PCDHA13: variants seen among roughly 807,000 people sequenced by gnomAD.
The protein encoded by PCDHA13 is protocadherin alpha-13.
PCDHA13 carries 54 observed loss-of-function variants against 64.8 expected under a neutral mutation model. The ratio of observed to expected loss-of-function variants is 0.83; its 90% CI spans 0.67 to 1.04. The LOEUF (loss-of-function observed/expected upper bound fraction) is 1.04, where lower values mean the gene tolerates loss of function less well. PCDHA13 is among the 50% of genes least tolerant of loss of function. PCDHA13 has a pLI of 0.00. For synonymous variants in PCDHA13, 587 were observed against 564.4 expected, an observed-to-expected ratio of 1.04 and a Z score of -0.57; for missense variants, 1,248 against 1,254.3, an observed-to-expected ratio of 0.99 and a Z score of 0.08.
intron 1 of PCDHA13, among the ~76,000 whole-genome samples, chr5:140,962,537 A>G (rs1554226101): frequency 6.6e-6 from 1 of 152,208 alleles, no homozygotes; most frequent in Non-Finnish European, 1.5e-5. Context: ...TTTTAGAACT[A>G]AAAATGTAGA....
At chr5:140,967,845 A>T in intron 1 of PCDHA13, 1 of 1,614,160 alleles carries the variant, frequency 6.2e-7, no homozygotes, top group Non-Finnish European at 8.5e-7. Context: ...GACGTGAATG[A>T]CAATGCCCCA....
At chr5:140,907,287 G>C (rs1179027055) in intron 1 of PCDHA13, among the ~76,000 whole-genome samples, 1 of 152,178 alleles carries the variant, frequency 6.6e-6, no homozygotes, top group Non-Finnish European at 1.5e-5. Flanking sequence ...TATCAATCCA[G>C]CTGCTTCAGG....
rs1554173426 is a variant in PCDHA13, at chr5:140,882,288, G to C, written c.20G>C (p.Gly7Ala). 1.2e-6 allele frequency: 2 copies of C among 1,613,210 alleles called. No individual in the cohort carries two copies. Among genetic ancestry groups the C allele is most frequent in the East Asian group, 2.2e-5 (1 of 44,866 alleles). Residue 7 changes from glycine to alanine, a missense_variant, in exon 1 of 4, where the codon GGA becomes GCA. By Grantham distance (60) the Gly-to-Ala change is moderately conservative (BLOSUM62 0). Transcript: ENST00000289272. ...TGTACCATGCTGTCTTCCTGGCAAG[G>C]AGGCCCAAGACCGCGGCAACTACTG... MLSSWQ[G>A]GPRPRQLLLW...
intron 1 of PCDHA13, among the ~76,000 whole-genome samples, chr5:140,932,490 A>G (rs1330943965): frequency 6.6e-6 from 1 of 151,852 alleles, no homozygotes; most frequent in South Asian, 2.1e-4. Context: ...CCTCTTTGCA[A>G]TGTCATTTGT....
At chr5:140,994,394 T>G (rs1332946220) in intron 3 of PCDHA13, among the ~76,000 whole-genome samples, 3 of 152,110 alleles carry the variant, frequency 2.0e-5, no homozygotes, top group African/African-American at 7.2e-5. Flanking sequence ...AGTCAGAGAT[T>G]ATTTGACATT....
intron 3 of PCDHA13, among the ~76,000 whole-genome samples, chr5:140,989,748 G>A (rs868949345): frequency 1.3e-4 from 20 of 152,192 alleles, no homozygotes; most frequent in African/African-American, 4.8e-4. Context: ...GCCTAATCTG[G>A]AGAAACATAT....
intron 3 of PCDHA13, 171 bp from the exon 4 acceptor site, chr5:141,009,456 C>CAAAT: frequency 3.2e-6 from 3 of 947,762 alleles, no homozygotes; most frequent in Non-Finnish European, 2.5e-6. Flanking sequence ...AAAAATTAAA[C>CAAAT]AAATAAATAA....
At chr5:140,956,701 G>A (rs549659732) in intron 1 of PCDHA13, among the ~76,000 whole-genome samples, 30 of 152,256 alleles carry the variant, frequency 2.0e-4, no homozygotes, top group Admixed American at 1.4e-3. Context: ...CCATTGTTTG[G>A]AATAGCTTCA....
chr5:141,005,164 G>A (rs782398186), intron 3 of PCDHA13, among the ~76,000 whole-genome samples: 2 of 152,178 alleles, frequency 1.3e-5, no homozygotes, highest in Non-Finnish European at 2.9e-5. Context: ...TAAAGAGTGG[G>A]TACCACTTTC....
At chr5:140,901,474 T>C (rs2068694853) in intron 1 of PCDHA13, among the ~76,000 whole-genome samples, 1 of 152,216 alleles carries the variant, frequency 6.6e-6, no homozygotes, top group Admixed American at 6.5e-5. Context: ...CTCGAGTTTA[T>C]GTTCTTGGCA....
chr5:140,891,040 C>A (rs2062916193), intron 1 of PCDHA13, among the ~76,000 whole-genome samples: 1 of 145,080 alleles, frequency 6.9e-6, no homozygotes, highest in Admixed American at 6.6e-5. Context: ...TTAGGTGTGA[C>A]CCCCACAGCA....
At chr5:140,915,059 C>T (rs1554196724) in intron 1 of PCDHA13, among the ~76,000 whole-genome samples, 1 of 151,706 alleles carries the variant, frequency 6.6e-6, no homozygotes, top group Non-Finnish European at 1.5e-5. Flanking sequence ...GATTCTCCTG[C>T]CTTAGCCTAC....
intron 1 of PCDHA13, among the ~76,000 whole-genome samples, chr5:140,901,959 A>G (rs1163639408): frequency 6.6e-6 from 1 of 152,076 alleles, no homozygotes; most frequent in Admixed American, 6.6e-5. Flanking sequence ...ATTCGTGGCT[A>G]TCGTAAATGG....
Position 140,883,519 on chromosome 5 carries a change from CG to C in PCDHA13, c.1252del (p.Val418TyrfsTer8). 1 of 1,614,190 alleles carries C rather than the reference CG, an allele frequency of 6.2e-7. No individual in the cohort carries two copies. Among genetic ancestry groups the C allele is most frequent in the African/African-American group, 1.3e-5 (1 of 75,060 alleles). Reference sequence around the variant, plus strand: ...TGGACAGCGCCCTGGACCGCGAGAGCGTATCAGCCTATGAACTGGTGGTGAC... The same window carrying C: ...TGGACAGCGCCCTGGACCGCGAGAGCTATCAGCCTATGAACTGGTGGTGAC... ...VLDSALDRES[V>X]SAYELVVTAR... is the part of the protein sequence containing the mutation. On this transcript the variant is annotated frameshift_variant, in exon 1 of 4. Transcript: ENST00000289272. LOFTEE classifies it high-confidence loss of function.
At chr5:140,927,915 C>T (rs200890211) in intron 1 of PCDHA13, 7 of 1,614,120 alleles carry the variant, frequency 4.3e-6, no homozygotes, top group Admixed American at 3.3e-5. Context: ...CCGAACTGGA[C>T]TTCCTGACTC....
rs782166134 is a variant in PCDHA13 at position 140,929,299 on chromosome 5, G to C, written c.2394+44637G>C. Reference sequence around the variant, plus strand: ...CTGTATTCAGATTCGGAATAGGAAAGGGGATCACGCTAATGTCAATGCCAT... The same window carrying C: ...CTGTATTCAGATTCGGAATAGGAAACGGGATCACGCTAATGTCAATGCCAT... On this transcript the variant is annotated intron_variant, in intron 1 of 3. Coordinates refer to ENST00000289272, the MANE Select transcript of PCDHA13 (RefSeq NM_018904.3). 1.2e-5 allele frequency: 19 copies of C among 1,590,714 alleles called. No individual in the cohort carries two copies. The highest frequency in any genetic ancestry group is 1.6e-5 in the Non-Finnish European group (19 of 1,164,870).
intron 1 of PCDHA13, among the ~76,000 whole-genome samples, chr5:140,906,640 G>A (rs1465278194): frequency 6.6e-6 from 1 of 152,210 alleles, no homozygotes; most frequent in African/African-American, 2.4e-5. Context: ...ACCTCAGCAG[G>A]TAGTGGTTTT....
intron 1 of PCDHA13, chr5:140,968,960 T>C (rs1563384845): frequency 6.2e-7 from 1 of 1,614,212 alleles, no homozygotes; most frequent in South Asian, 1.1e-5. Context: ...CATCAAGTGC[T>C]ACCGCTACAC....
intron 1 of PCDHA13, chr5:140,926,963 A>G (rs782460460): frequency 1.2e-6 from 2 of 1,605,984 alleles, no homozygotes; most frequent in South Asian, 2.2e-5. Context: ...CAGCTCGAGT[A>G]CTCAGTGCCG....
Sources: gnomAD v4.1 joint callset for allele counts (sites outside exome capture counted in the v4.1 genomes callset) on GRCh38, gnomAD v4.1.1 for gene constraint, MANE v1.5 for transcripts, NCBI Gene and HGNC (gene_info 2026-07-23, HGNC 2026-07-21) for gene names.